The following NSMCE2 variants were observed in gnomAD, a reference collection of about 807,000 sequenced individuals.
NSMCE2 encodes NSE2 SUMO ligase component of SMC5/6 complex.
In NSMCE2, 24 loss-of-function variants were observed where a neutral mutation model predicts 23.8. The ratio of observed to expected loss-of-function variants is 1.01; its 90% CI spans 0.73 to 1.42. The LOEUF (loss-of-function observed/expected upper bound fraction) is 1.42. NSMCE2 is among the 40% of genes most tolerant of loss of function. NSMCE2 has a pLI of 0.00. For synonymous variants in NSMCE2, 92 were observed against 94.1 expected, an observed-to-expected ratio of 0.98 and a Z score of 0.13; for missense variants, 284 against 296.5, an observed-to-expected ratio of 0.96 and a Z score of 0.31.
intron 5 of NSMCE2, among the ~76,000 whole-genome samples, chr8:125,317,198 CTTT>C (rs879359907): frequency 7.0e-6 from 1 of 143,840 alleles, no homozygotes; most frequent in Non-Finnish European, 1.5e-5. Context: ...TCCTAAAGAT[CTTT>C]TTTTTTTTTT....
intron 5 of NSMCE2, among the ~76,000 whole-genome samples, chr8:125,191,331 C>T (rs1397924908): frequency 1.3e-5 from 2 of 152,112 alleles, no homozygotes; most frequent in Non-Finnish European, 2.9e-5. Flanking sequence ...TGTTCTTTCC[C>T]ACATACCACA....
At chr8:125,240,548 CCTT>C (rs1825731391) in intron 5 of NSMCE2, among the ~76,000 whole-genome samples, 1 of 152,252 alleles carries the variant, frequency 6.6e-6, no homozygotes, top group South Asian at 2.1e-4. Flanking sequence ...TAACTTTTCT[CCTT>C]CTATTCTGCC....
chr8:125,165,848 T>C (rs1256033341), intron 4 of NSMCE2, among the ~76,000 whole-genome samples: 1 of 152,136 alleles, frequency 6.6e-6, no homozygotes, highest in Non-Finnish European at 1.5e-5. Context: ...AAAAGGCAAT[T>C]TGATAGGTGT....
At chr8:125,097,254 G>T (rs1337077210) in intron 1 of NSMCE2, among the ~76,000 whole-genome samples, 1 of 152,058 alleles carries the variant, frequency 6.6e-6, no homozygotes, top group Admixed American at 6.6e-5. Flanking sequence ...TTAACATTTT[G>T]CCATATTTGT....
intron 4 of NSMCE2, among the ~76,000 whole-genome samples, chr8:125,163,213 A>T (rs1429854986): frequency 6.6e-6 from 1 of 152,212 alleles, no homozygotes; most frequent in Non-Finnish European, 1.5e-5. Context: ...CAAAAAAATT[A>T]AAAAATGAAA....
intron 1 of NSMCE2, 124 bp downstream of exon 1, chr8:125,092,082 C>A (rs139918655): frequency 6.6e-6 from 1 of 152,270 alleles, no homozygotes; most frequent in Non-Finnish European, 1.5e-5. Context: ...GAACTTTTCA[C>A]GCCACGGTAG....
At chr8:125,365,642 G>C (rs1244731084) in intron 7 of NSMCE2, among the ~76,000 whole-genome samples, 1 of 152,054 alleles carries the variant, frequency 6.6e-6, no homozygotes, top group Non-Finnish European at 1.5e-5. Flanking sequence ...GATCACTTGA[G>C]GTCAGGAGTT....
chr8:125,129,112 A>C (rs1457131480), intron 3 of NSMCE2, among the ~76,000 whole-genome samples: 3 of 152,204 alleles, frequency 2.0e-5, no homozygotes, highest in Non-Finnish European at 4.4e-5. Context: ...TATAGATATG[A>C]CAAAAGCCTA....
chr8:125,347,758 T>G (rs1378328920), intron 5 of NSMCE2, among the ~76,000 whole-genome samples: 1 of 152,148 alleles, frequency 6.6e-6, no homozygotes, highest in African/African-American at 2.4e-5. Flanking sequence ...CTATGGAGAT[T>G]GTGTTGGGTG....
chr8:125,361,979 T>C (rs991927071), intron 7 of NSMCE2, among the ~76,000 whole-genome samples: 2 of 152,156 alleles, frequency 1.3e-5, no homozygotes, highest in Non-Finnish European at 2.9e-5. Context: ...GAGGCCAAGG[T>C]TCCCCACAGC....
chr8:125,094,459 C>G (rs962832625), intron 1 of NSMCE2: 3 of 152,128 alleles, frequency 2.0e-5, no homozygotes, highest in Non-Finnish European at 4.4e-5. Flanking sequence ...AATCTTTTCC[C>G]TACTCCAGAA....
At position 125,103,991 on chromosome 8, in the gene NSMCE2, C is replaced by CT. The variant is rs72031823; in HGVS notation, c.157+1520dup. Among the ~76,000 whole-genome samples the CT allele has an allele frequency of 3.7e-3, 436 of 118,280 alleles. 3 individuals carry two copies. Among genetic ancestry groups the CT allele is most frequent in the African/African-American group, 8.4e-3 (273 of 32,592 alleles). 77.6% of individuals were successfully genotyped at this position (118,280 alleles called of 152,430 possible). On this transcript the variant is annotated intron_variant, in intron 3 of 7. Transcript: ENST00000287437. ...TTGTTGAGTGTTTGGATTTTGTTGT[C>CT]TTTTTTTTTTTTTTTTCAGCCGGAA...
intron 5 of NSMCE2, among the ~76,000 whole-genome samples, chr8:125,197,237 AT>A (rs1157127119): frequency 1.3e-5 from 2 of 151,976 alleles, no homozygotes; most frequent in African/African-American, 4.8e-5. Flanking sequence ...TTTTGTTTCC[AT>A]TGCTTTTGGT....
At chr8:125,117,008 C>A (rs961639447) in intron 3 of NSMCE2, among the ~76,000 whole-genome samples, 1 of 151,654 alleles carries the variant, frequency 6.6e-6, no homozygotes, top group African/African-American at 2.4e-5. Flanking sequence ...CTGCCTTAGC[C>A]TCCCAAGTAG....
intron 5 of NSMCE2, among the ~76,000 whole-genome samples, chr8:125,198,399 G>A (rs1043699684): frequency 2.0e-5 from 3 of 152,152 alleles, no homozygotes; most frequent in Admixed American, 1.3e-4. Flanking sequence ...TAGCATGAAA[G>A]GCTGTTGAAT....
chr8:125,188,273 A>G (rs568887314), intron 5 of NSMCE2, among the ~76,000 whole-genome samples: 1 of 152,328 alleles, frequency 6.6e-6, no homozygotes, highest in Admixed American at 6.5e-5. Context: ...ACCACAGTGT[A>G]GTTGCACAAG....
chr8:125,266,501 G>GA (rs1192118984), intron 5 of NSMCE2, among the ~76,000 whole-genome samples: 3 of 152,332 alleles, frequency 2.0e-5, no homozygotes, highest in African/African-American at 7.2e-5. Context: ...TCTGGTGGGG[G>GA]AAGTGCATCA....
At chr8:125,165,374 A>G (rs976086366) in intron 4 of NSMCE2, among the ~76,000 whole-genome samples, 2 of 152,212 alleles carry the variant, frequency 1.3e-5, no homozygotes, top group African/African-American at 4.8e-5. Flanking sequence ...AAACATTTAA[A>G]TGTCGTTCTA....
intron 4 of NSMCE2, among the ~76,000 whole-genome samples, chr8:125,152,533 A>C (rs1055094426): frequency 7.2e-5 from 11 of 152,216 alleles, no homozygotes; most frequent in Admixed American, 3.9e-4. Context: ...GTTTACTGCC[A>C]AAGATTAGAG....
Sources: gnomAD v4.1 joint callset for allele counts (sites outside exome capture counted in the v4.1 genomes callset) on GRCh38, gnomAD v4.1.1 for gene constraint, MANE v1.5 for transcripts, NCBI Gene and HGNC (gene_info 2026-07-23, HGNC 2026-07-21) for gene names.